NFATC2: variants seen among roughly 807,000 people sequenced by gnomAD.
NFATC2 encodes nuclear factor of activated T cells 2, also known as nuclear factor of activated T-cells, cytoplasmic 2.
In NFATC2, 22 loss-of-function variants were observed where a neutral mutation model predicts 87.3. That is an observed-to-expected ratio of 0.25 (90% confidence interval 0.18 to 0.36). The LOEUF (loss-of-function observed/expected upper bound fraction) is 0.36, where lower values mean the gene tolerates loss of function less well. Ranked by LOEUF, NFATC2 falls within the 10% of genes least tolerant of loss-of-function variation. The pLI, the probability that NFATC2 is intolerant of heterozygous loss-of-function variation, is 1.00. For synonymous variants in NFATC2, 565 were observed against 542.2 expected, an observed-to-expected ratio of 1.04 and a Z score of -0.58; for missense variants, 1,149 against 1,259.1, an observed-to-expected ratio of 0.91 and a Z score of 1.32.
chr20:51,421,897 A>C (rs1287981234), intron 9 of NFATC2, among the ~76,000 whole-genome samples: 1 of 149,940 alleles, frequency 6.7e-6, no homozygotes, highest in East Asian at 1.9e-4. Flanking sequence ...GGGTGCTTTC[A>C]TCAAGTTTGG....
intron 2 of NFATC2, among the ~76,000 whole-genome samples, chr20:51,519,385 C>T (rs933661421): frequency 8.7e-5 from 13 of 150,214 alleles, no homozygotes; most frequent in African/African-American, 2.9e-4. Flanking sequence ...GAGGCTGAAG[C>T]GGGTGGATCA....
In NFATC2 at chr20:51,562,395, G is replaced by C. The variant is rs1419671350; in HGVS notation, c.70+165C>G. 6.6e-6 allele frequency among the ~76,000 whole-genome samples: 1 copy of C among 152,194 alleles called. No homozygotes were observed. Among genetic ancestry groups the C allele is most frequent in the Non-Finnish European group, 1.5e-5 (1 of 68,022 alleles). On this transcript the variant is annotated intron_variant, in intron 1 of 10. Transcript: ENST00000414705. This position sits in a 1 kb window ranked among gnomAD's most constrained non-coding sequence, Gnocchi z 5.8. Reference sequence around the variant, plus strand: ...TCCCTTCCCTGGCCGGGGCGCGGGCGCCCCTCCGCGGGCCCCGCTACCTGT... The same window carrying C: ...TCCCTTCCCTGGCCGGGGCGCGGGCCCCCCTCCGCGGGCCCCGCTACCTGT...
intron 5 of NFATC2, among the ~76,000 whole-genome samples, chr20:51,468,890 G>A (rs1261809723): frequency 6.6e-6 from 1 of 152,202 alleles, no homozygotes; most frequent in Non-Finnish European, 1.5e-5. Context: ...AGGATGGGGA[G>A]GGGTGGGCTC....
chr20:51,531,857 TCGAAAGCATTA>T (rs771195366), intron 1 of NFATC2, among the ~76,000 whole-genome samples: 56 of 152,262 alleles, frequency 3.7e-4, no homozygotes, highest in Non-Finnish European at 5.9e-4. Flanking sequence ...CCCAACCCCT[TCGAAAGCATTA>T]CGAAAAAAAG....
At chr20:51,422,539 G>A (rs940973413) in intron 9 of NFATC2, among the ~76,000 whole-genome samples, 2 of 148,392 alleles carry the variant, frequency 1.3e-5, no homozygotes, top group African/African-American at 5.0e-5. Flanking sequence ...CAAATAAATG[G>A]TTTCATCATT....
In NFATC2 at chr20:51,525,209, G is replaced by A. The variant is rs569447733; in HGVS notation, c.131-1099C>T. On this transcript the variant is annotated intron_variant, in intron 1 of 10. Transcript: ENST00000371564. ...CATGCCGGCCTGGGTGATAGAGTGAGACTCTGTCTCAAAAATAAAATAAAA... is the reference window on the plus strand; with the variant it reads ...CATGCCGGCCTGGGTGATAGAGTGAAACTCTGTCTCAAAAATAAAATAAAA... 2.0e-5 allele frequency among the ~76,000 whole-genome samples: 3 copies of A among 152,288 alleles called. No individual in the cohort carries two copies. The East Asian group carries it at 5.8e-4, about 29-fold the overall frequency.
chr20:51,479,554 A>G (rs1184277697), intron 3 of NFATC2, among the ~76,000 whole-genome samples: 1 of 152,234 alleles, frequency 6.6e-6, no homozygotes, highest in African/African-American at 2.4e-5. Flanking sequence ...CAGGAGGTTG[A>G]GGCTACAGTG....
chr20:51,492,027 C>A (rs576402922), intron 3 of NFATC2, among the ~76,000 whole-genome samples: 1 of 152,048 alleles, frequency 6.6e-6, no homozygotes, highest in East Asian at 1.9e-4. Context: ...ATGAACACCC[C>A]TTGTTCACTG....
chr20:51,517,009 T>G (rs555676133), intron 2 of NFATC2, 54 bp from the exon 3 acceptor site: 31 of 1,536,654 alleles, frequency 2.0e-5, no homozygotes, highest in African/African-American at 2.7e-5. Flanking sequence ...ATTAGTCAAC[T>G]TGTACAATAA....
chr20:51,450,596 C>T (rs576799416), intron 6 of NFATC2, among the ~76,000 whole-genome samples: 35 of 152,326 alleles, frequency 2.3e-4, no homozygotes, highest in African/African-American at 7.5e-4. Flanking sequence ...CTGTCACTAT[C>T]TCATTTTACA....
chr20:51,424,332 C>T (rs1600702825), intron 9 of NFATC2, among the ~76,000 whole-genome samples: 4 of 152,304 alleles, frequency 2.6e-5, no homozygotes, highest in African/African-American at 9.6e-5. Context: ...CCTGGCTCTT[C>T]GTCAGAGCCT....
intron 9 of NFATC2, among the ~76,000 whole-genome samples, chr20:51,424,644 G>A (rs1981487736): frequency 2.0e-5 from 3 of 152,088 alleles, no homozygotes; most frequent in Admixed American, 6.6e-5. Context: ...AACTGAGGCT[G>A]GGCCTTCAGA....
At chr20:51,544,267 G>T (rs1601003831), upstream of NFATC2, among the ~76,000 whole-genome samples, 1 of 152,070 alleles carries the variant, frequency 6.6e-6, no homozygotes. Context: ...GATTACAGGT[G>T]TGAGCCACCA....
chr20:51,398,812 A>G, intron 9 of NFATC2, 82 bp from the exon 10 acceptor site: 4 of 947,300 alleles, frequency 4.2e-6, no homozygotes, highest in Non-Finnish European at 5.0e-6. Flanking sequence ...ACTCATGCCG[A>G]TATCATCCAA....
At chr20:51,491,137 G>A (rs1369500038) in intron 3 of NFATC2, among the ~76,000 whole-genome samples, 1 of 152,190 alleles carries the variant, frequency 6.6e-6, no homozygotes, top group Non-Finnish European at 1.5e-5. Context: ...CCTGTATTCA[G>A]AGAGAGGACT....
chr20:51,545,711 G>A (rs548118034), upstream of NFATC2, among the ~76,000 whole-genome samples: 1 of 152,250 alleles, frequency 6.6e-6, no homozygotes, highest in East Asian at 1.9e-4. Flanking sequence ...ATGGGTGGAT[G>A]GATGGATAGG....
chr20:51,550,295 A>C (rs1275503637), intron 1 of NFATC2, among the ~76,000 whole-genome samples: 2 of 152,172 alleles, frequency 1.3e-5, no homozygotes, highest in Non-Finnish European at 2.9e-5. Flanking sequence ...TCTAAAAAAT[A>C]ATAATAATAG....
intron 6 of NFATC2, among the ~76,000 whole-genome samples, chr20:51,440,011 CG>C (rs1195693763): frequency 6.6e-6 from 1 of 152,062 alleles, no homozygotes; most frequent in African/African-American, 2.4e-5. Context: ...CCAAGGCGGG[CG>C]GATCACCTGA....
intron 9 of NFATC2, among the ~76,000 whole-genome samples, chr20:51,417,199 G>A (rs1980167185): frequency 1.3e-5 from 2 of 151,988 alleles, no homozygotes; most frequent in Non-Finnish European, 1.5e-5. Flanking sequence ...TGCCTTCCAC[G>A]GCGCCCAGTA....
Sources: gnomAD v4.1 joint callset for allele counts (sites outside exome capture counted in the v4.1 genomes callset) on GRCh38, gnomAD v4.1.1 for gene constraint, Gnocchi (gnomAD v3.1) non-coding constraint, MANE v1.5 for transcripts, NCBI Gene and HGNC (gene_info 2026-07-23, HGNC 2026-07-21) for gene names.